KCNN2: variants seen among roughly 807,000 people sequenced by gnomAD.
KCNN2 encodes the protein potassium calcium-activated channel subfamily N member 2, also known as small conductance calcium-activated potassium channel protein 2.
In KCNN2, 24 loss-of-function variants were observed where a neutral mutation model predicts 55.5. That is an observed-to-expected ratio of 0.43 (90% CI 0.31 to 0.61). The LOEUF (loss-of-function observed/expected upper bound fraction) is 0.61. Among genes scored for constraint, KCNN2 ranks in the 20% least tolerant of loss-of-function variants. The probability of loss-of-function intolerance (pLI) is 0.08; values close to 1 mark genes in which losing one functional copy is unlikely to be tolerated. For synonymous variants in KCNN2, 431 were observed against 336.1 expected, an observed-to-expected ratio of 1.28 and a Z score of -3.09; for missense variants, 754 against 853.6, an observed-to-expected ratio of 0.88 and a Z score of 1.45.
intron 2 of KCNN2, among the ~76,000 whole-genome samples, chr5:114,300,395 A>C (rs1025303908): frequency 6.6e-6 from 1 of 152,182 alleles, no homozygotes; most frequent in South Asian, 2.1e-4. Context: ...ACGGCTTTAG[A>C]GTGAAATCAT....
chr5:114,199,184 G>T (rs887168185), intron 1 of KCNN2, among the ~76,000 whole-genome samples: 5 of 151,854 alleles, frequency 3.3e-5, no homozygotes, highest in African/African-American at 1.2e-4. Flanking sequence ...AATGACCTTT[G>T]TCATTTTTAC....
intron 1 of KCNN2, among the ~76,000 whole-genome samples, chr5:114,163,326 T>C (rs1038535490): frequency 3.9e-5 from 6 of 152,172 alleles, no homozygotes; most frequent in Non-Finnish European, 2.9e-5. Flanking sequence ...TCCAATACTA[T>C]GTTGAATAGG....
chr5:114,157,779 T>G (rs1283608147), intron 1 of KCNN2, among the ~76,000 whole-genome samples: 1 of 152,100 alleles, frequency 6.6e-6, no homozygotes, highest in Non-Finnish European at 1.5e-5. Flanking sequence ...TTTTTTCATG[T>G]GTTTTTTGGC....
chr5:114,369,316 T>C (rs1757694964), intron 2 of KCNN2, among the ~76,000 whole-genome samples: 1 of 152,228 alleles, frequency 6.6e-6, no homozygotes, highest in African/African-American at 2.4e-5. Context: ...GCATCTATTT[T>C]GTAATATCAG....
chr5:114,241,537 T>C (rs1754620102), intron 2 of KCNN2, among the ~76,000 whole-genome samples: 1 of 151,288 alleles, frequency 6.6e-6, no homozygotes, highest in South Asian at 2.1e-4. Flanking sequence ...AAGGATAAAA[T>C]TTAATTCACC....
At chr5:114,146,666 G>C (rs1752403340) in intron 1 of KCNN2, among the ~76,000 whole-genome samples, 1 of 152,148 alleles carries the variant, frequency 6.6e-6, no homozygotes, top group African/African-American at 2.4e-5. Flanking sequence ...CTCCAGTGTT[G>C]AGACAATCTC....
intron 2 of KCNN2, among the ~76,000 whole-genome samples, chr5:114,381,519 T>C (rs939491597): frequency 1.3e-5 from 2 of 152,194 alleles, no homozygotes; most frequent in Non-Finnish European, 2.9e-5. Context: ...GCTTTAGCTA[T>C]CTCACTGGTA....
chr5:114,138,689 A>G (rs1266184457), intron 1 of KCNN2, among the ~76,000 whole-genome samples: 1 of 152,202 alleles, frequency 6.6e-6, no homozygotes, highest in Non-Finnish European at 1.5e-5. Flanking sequence ...GAGAAACTTT[A>G]AGAAATGCAG....
chr5:114,188,465 C>T (rs1753383482), intron 1 of KCNN2, among the ~76,000 whole-genome samples: 1 of 151,986 alleles, frequency 6.6e-6, no homozygotes, highest in African/African-American at 2.4e-5. Flanking sequence ...TAATAGAAGT[C>T]TTAGGCAATG....
intron 5 of KCNN2, among the ~76,000 whole-genome samples, chr5:114,479,242 AAAAC>A (rs960537697): frequency 5.7e-4 from 87 of 151,366 alleles, no homozygotes; most frequent in Non-Finnish European, 9.9e-4. Flanking sequence ...AAAAAAAAGA[AAAAC>A]AAAACAGGGG....
intron 2 of KCNN2, among the ~76,000 whole-genome samples, chr5:114,266,329 T>C (rs773787368): frequency 6.6e-6 from 1 of 152,156 alleles, no homozygotes; most frequent in Admixed American, 6.6e-5. Context: ...CTCTATCTTA[T>C]GTATCTTATT....
chr5:114,453,950 T>C (rs1334050456), intron 3 of KCNN2, among the ~76,000 whole-genome samples: 1 of 152,146 alleles, frequency 6.6e-6, no homozygotes, highest in Middle Eastern at 3.2e-3. Context: ...ATTAGGTATT[T>C]GTCCTAATGC....
At chr5:114,183,947 G>T (rs539307350) in intron 1 of KCNN2, among the ~76,000 whole-genome samples, 1 of 152,154 alleles carries the variant, frequency 6.6e-6, no homozygotes, top group South Asian at 2.1e-4. Flanking sequence ...AGGACATTGA[G>T]TTTAATAATT....
intron 1 of KCNN2, among the ~76,000 whole-genome samples, chr5:114,136,928 CAA>C (rs1211257211): frequency 6.6e-6 from 1 of 152,174 alleles, no homozygotes; most frequent in Non-Finnish European, 1.5e-5. Flanking sequence ...AATAATTTCT[CAA>C]AGTCACACAG....
intron 2 of KCNN2, among the ~76,000 whole-genome samples, chr5:114,229,009 C>A (rs1754302225): frequency 6.6e-6 from 1 of 151,878 alleles, no homozygotes; most frequent in South Asian, 2.1e-4. Context: ...GAGAAATTAA[C>A]TTAATTTGCT....
chr5:114,436,351 A>G (rs554945846), intron 3 of KCNN2, among the ~76,000 whole-genome samples: 7 of 152,176 alleles, frequency 4.6e-5, no homozygotes, highest in African/African-American at 1.7e-4. Context: ...AGTTTTTTGG[A>G]TTTTAGTGTA....
chr5:114,454,549 A>T (rs914018208), intron 3 of KCNN2, among the ~76,000 whole-genome samples: 1 of 152,166 alleles, frequency 6.6e-6, no homozygotes, highest in Non-Finnish European at 1.5e-5. Context: ...CTTTCTCTGT[A>T]TTATCAAATT....
chr5:114,070,366 A>G (rs1447449937), intron 1 of KCNN2, among the ~76,000 whole-genome samples: 1 of 152,132 alleles, frequency 6.6e-6, no homozygotes, highest in Non-Finnish European at 1.5e-5. Flanking sequence ...GCTACACTCC[A>G]TTACTTAATA....
chr5:114,401,666 A>C (rs948176798), intron 2 of KCNN2, among the ~76,000 whole-genome samples: 1 of 152,196 alleles, frequency 6.6e-6, no homozygotes, highest in East Asian at 1.9e-4. Context: ...CATCTACTAC[A>C]TGCTAGAGGA....
Sources: allele counts gnomAD v4.1 joint callset (sites outside exome capture counted in the v4.1 genomes callset), GRCh38; gene constraint gnomAD v4.1.1; transcripts MANE v1.5; gene names NCBI Gene and HGNC (gene_info 2026-07-23, HGNC 2026-07-21).